KRT15: variants seen among roughly 807,000 people sequenced by gnomAD.
The protein encoded by KRT15 is keratin, type I cytoskeletal 15.
In KRT15, 45 loss-of-function variants were observed where a neutral mutation model predicts 46.6. The ratio of observed to expected loss-of-function variants is 0.97; its 90% CI spans 0.76 to 1.24. KRT15 has a LOEUF of 1.24. Among genes scored for constraint, KRT15 ranks in the 50% most tolerant of loss-of-function variants. The pLI is 0.00. For synonymous variants in KRT15, 221 were observed against 233.8 expected, an observed-to-expected ratio of 0.95 and a Z score of 0.50; for missense variants, 592 against 588.9, an observed-to-expected ratio of 1.01 and a Z score of -0.05.
At chr17:41,516,989 G>A in intron 2 of KRT15, 25 bp from the exon 3 acceptor site, 1 of 1,614,250 alleles carries the variant, frequency 6.2e-7, no homozygotes, top group East Asian at 2.2e-5. Flanking sequence ...GCCAAAGAAG[G>A]AAGTGGGAGG....
chr17:41,514,325 G>A, intron 7 of KRT15: 3 of 604,502 alleles, frequency 5.0e-6, no homozygotes, highest in Non-Finnish European at 8.8e-6. Flanking sequence ...CCGGCAGGGA[G>A]CAACAATGTC....
rs1194540470 is a variant in KRT15 at position 41,515,871 on chromosome 17, G to A, written c.1026+14C>T. The A allele has an allele frequency of 1.3e-5, 21 of 1,613,774 alleles. No individual in the cohort carries two copies. Among genetic ancestry groups the A allele is most frequent in the African/African-American group, 1.1e-4 (8 of 74,900 alleles). ...ACCACCCGAGAGGCTGGGATGGGGCGCGAGTGGCCGTACCATGCTGAGCTG... is the reference window on the plus strand; with the variant it reads ...ACCACCCGAGAGGCTGGGATGGGGCACGAGTGGCCGTACCATGCTGAGCTG... On this transcript the variant is annotated intron_variant, in intron 5 of 7. Transcript: ENST00000254043.
rs1597773021 is a variant in KRT15 at position 41,515,539 on chromosome 17, CA to C, written c.1179del (p.Asp394ThrfsTer2). ...TCCTGCTCCAGCCGTGTCTTTATGTCAAGCAGCATCTTGTACTCCTGGTTCT... is the reference window on the plus strand; with the variant it reads ...TCCTGCTCCAGCCGTGTCTTTATGTCAGCAGCATCTTGTACTCCTGGTTCT... ...EAQNQEYKML[L>X]DIKTRLEQEI... On this transcript the variant is annotated frameshift_variant, in exon 6 of 8. Transcript: ENST00000254043. LOFTEE classifies it high-confidence loss of function. The C allele has an allele frequency of 2.5e-6, 4 of 1,614,132 alleles. No homozygotes were observed. The East Asian group carries it at 8.9e-5, about 36-fold the overall frequency.
At chr17:41,517,053 C>T in intron 2 of KRT15, 30 bp downstream of exon 2, 1 of 1,614,108 alleles carries the variant, frequency 6.2e-7, no homozygotes, top group Non-Finnish European at 8.5e-7. Context: ...GTGGGCAATG[C>T]AGGAAGAGGA....
intron 1 of KRT15, 137 bp from the exon 2 acceptor site, chr17:41,517,302 G>A: frequency 1.4e-6 from 1 of 720,762 alleles, no homozygotes; most frequent in South Asian, 1.7e-5. Context: ...ACAAAAATCT[G>A]TACGGCTTCT....
At position 41,518,631 on chromosome 17, in the gene KRT15, AC is replaced by A; in HGVS notation, c.196del (p.Val66SerfsTer70). 1 of 1,610,142 alleles carries A rather than the reference AC, an allele frequency of 6.2e-7. No homozygotes were observed. The highest frequency in any genetic ancestry group is 1.7e-5 in the Admixed American group (1 of 59,584). The stretch of plus-strand genomic sequence containing the variant: ...ACCAGCCCCTCCACCAAAGCCACAG[AC>A]CCTCATGCCACCCCCATATCCTCCT... ...SGGGYGGGMR[V>X]CGFGGGAGSV... is the part of the protein sequence containing the mutation. On this transcript the variant is annotated frameshift_variant, in exon 1 of 8. Coordinates refer to ENST00000254043, the MANE Select transcript of KRT15 (RefSeq NM_002275.4). LOFTEE classifies it high-confidence loss of function.
intron 6 of KRT15, chr17:41,514,878 G>T: frequency 3.8e-6 from 2 of 530,332 alleles, no homozygotes; most frequent in Non-Finnish European, 6.7e-6. Context: ...GTTTTGTTTT[G>T]TTTTTTGAGA....
At chr17:41,517,053 C>A (rs1567718954) in intron 2 of KRT15, 30 bp downstream of exon 2, 2 of 1,614,108 alleles carry the variant, frequency 1.2e-6, no homozygotes, top group Non-Finnish European at 1.7e-6. Context: ...GTGGGCAATG[C>A]AGGAAGAGGA....
rs577258032 is a variant in KRT15 at position 41,517,371 on chromosome 17, C to T, written c.499-206G>A. The T allele has an allele frequency of 1.2e-4, 72 of 581,928 alleles. No homozygotes were observed. The South Asian group carries it at 1.5e-3, about 12-fold the overall frequency. 36.0% of individuals were successfully genotyped at this position (581,928 alleles called of 1,614,324 possible). ...CCATTTCTTGTTTTGTCCCATCCAG[C>T]CTCCTTGAGACACCTGAGGAGCTGC... is the stretch of plus-strand genomic sequence containing the variant. On this transcript the variant is annotated intron_variant, in intron 1 of 7. Transcript: ENST00000254043.
intron 1 of KRT15, 114 bp downstream of exon 1, chr17:41,518,216 C>T: frequency 2.4e-6 from 3 of 1,246,396 alleles, no homozygotes; most frequent in Non-Finnish European, 3.3e-6. Flanking sequence ...ACATACCAGA[C>T]AGTCATTGCC....
At position 41,517,318 on chromosome 17, in the gene KRT15, G is replaced by A. The variant is rs1905435514; in HGVS notation, c.499-153C>T. ...CAAAAATCTGTACGGCTTCTGGGGTGGGCAAAGTCCAGCCTCACTTTCAGT... is the reference window on the plus strand; with the variant it reads ...CAAAAATCTGTACGGCTTCTGGGGTAGGCAAAGTCCAGCCTCACTTTCAGT... On this transcript the variant is annotated intron_variant, in intron 1 of 7. Coordinates refer to ENST00000254043, the MANE Select transcript of KRT15 (RefSeq NM_002275.4). 4 of 655,406 alleles carry A rather than the reference G, an allele frequency of 6.1e-6. 1 individual carries two copies. The South Asian group carries it at 7.4e-5, about 12-fold the overall frequency. 40.6% of individuals were successfully genotyped at this position (655,406 alleles called of 1,614,324 possible). A position where few individuals can be genotyped will look rare whatever the true frequency, so the allele number is the denominator to read the frequency against.
At chr17:41,514,151 G>A in intron 7 of KRT15, 31 bp from the exon 8 acceptor site, 1 of 1,563,224 alleles carries the variant, frequency 6.4e-7, no homozygotes. Context: ...CTTTAGAGTG[G>A]GGGAACCTCC....
rs1905325533 is a variant in KRT15, at chr17:41,515,709, T to C, written c.1027-17A>G. Reference sequence around the variant, plus strand: ...CCCAGCTTTCTGGGGGAGTGACAGATGCATAGACACATCAGGCTAGAAAGG... The same window carrying C: ...CCCAGCTTTCTGGGGGAGTGACAGACGCATAGACACATCAGGCTAGAAAGG... On this transcript the variant is annotated splice_polypyrimidine_tract_variant and intron_variant, in intron 5 of 7. Coordinates refer to ENST00000254043, the MANE Select transcript of KRT15 (RefSeq NM_002275.4). 6.2e-7 allele frequency: 1 copy of C among 1,611,264 alleles called. No homozygotes were observed. The highest frequency in any genetic ancestry group is 1.7e-5 in the Admixed American group (1 of 59,968).
rs751567784 is a variant in KRT15, at chr17:41,517,148, G to A, written c.516C>T (p.Ile172=). 1.3e-5 allele frequency: 21 copies of A among 1,614,134 alleles called. No homozygotes were observed. Among genetic ancestry groups the A allele is most frequent in the South Asian group, 3.3e-5 (3 of 91,074 alleles). ...ELRDKIMATT[I]DNSRVILEID... is the part of the protein sequence containing the mutation. ...TCTCCAGGATGACCCGGGAGTTGTC[G>A]ATGGTGGTGGCCATGATCTGCAGGA... The change falls in exon 2 of 8, where the codon ATC becomes ATT. Residue 172 remains isoleucine (I), a synonymous_variant. Coordinates refer to ENST00000254043, the MANE Select transcript of KRT15 (RefSeq NM_002275.4).
chr17:41,516,041 CG>C lies in KRT15; in HGVS notation c.901-32del, dbSNP rs776582629. 1.9e-6 allele frequency: 3 copies of C among 1,614,012 alleles called. No homozygotes were observed. The African/African-American group carries it at 4.0e-5, about 22-fold the overall frequency. Reference sequence around the variant, plus strand: ...GGTCATGCACAACAGAAGTGAGCCCCGGGGCCTCCTCGGAGACTCAGGGACC... The same window carrying C: ...GGTCATGCACAACAGAAGTGAGCCCCGGGCCTCCTCGGAGACTCAGGGACC... On this transcript the variant is annotated intron_variant, in intron 4 of 7. Coordinates refer to ENST00000254043, the MANE Select transcript of KRT15 (RefSeq NM_002275.4).
At position 41,514,018 on chromosome 17, in the gene KRT15, G is replaced by C. The variant is rs1230163242; in HGVS notation, c.*5C>G. 1 of 1,604,732 alleles carries C rather than the reference G, an allele frequency of 6.2e-7. No individual in the cohort carries two copies. The highest frequency in any genetic ancestry group is 2.2e-5 in the East Asian group (1 of 44,842). ...GGCAAGGGACGTTTCTCCTGCAATA[G>C]ACACTTAGATTTCTCTCTTGTGGGA... On this transcript the variant is annotated 3_prime_UTR_variant, in exon 8 of 8. Coordinates refer to ENST00000254043, the MANE Select transcript of KRT15 (RefSeq NM_002275.4).
intron 6 of KRT15, 67 bp from the exon 7 acceptor site, chr17:41,514,741 T>C: frequency 6.5e-7 from 1 of 1,536,602 alleles, no homozygotes; most frequent in Non-Finnish European, 9.0e-7. Flanking sequence ...GGGAAGCTCA[T>C]GTAGATAGCT....
Position 41,514,664 on chromosome 17 carries a change from T to C in KRT15, c.1258A>G (p.Ile420Val). 6.2e-7 allele frequency: 1 copy of C among 1,613,520 alleles called. No homozygotes were observed. Among genetic ancestry groups the C allele is most frequent in the Non-Finnish European group, 8.5e-7 (1 of 1,179,600 alleles). The change falls in exon 7 of 8, where the codon ATT (isoleucine) becomes GTT (valine). Residue 420 changes from isoleucine to valine, a missense_variant. By Grantham distance (29) the Ile-to-Val change is conservative. Transcript: ENST00000254043. ...GCCTTCCTACCTTCCCTGATGGCAA[T>C]GCCAGCCATCCTGAAAGAAAGAGGG... Reference protein sequence around the residue: ...LEGQDAKMAGIAIREASSGGG... With the variant: ...LEGQDAKMAGVAIREASSGGG...
intron 5 of KRT15, 45 bp downstream of exon 5, chr17:41,515,840 G>A (rs758981626): frequency 8.7e-6 from 14 of 1,613,458 alleles, no homozygotes; most frequent in South Asian, 6.6e-5. Context: ...AAGAGTGGGA[G>A]CTTCTACCAC....
Sources: gnomAD v4.1 joint callset for allele counts on GRCh38, gnomAD v4.1.1 for gene constraint, MANE v1.5 for transcripts, NCBI Gene and HGNC (gene_info 2026-07-23, HGNC 2026-07-21) for gene names.